The following RFT1 variants were observed in gnomAD, a reference collection of about 807,000 sequenced individuals.
RFT1 encodes the protein man(5)GlcNAc(2)-PP-dolichol translocation protein RFT1.
A neutral mutation model predicts 62.2 loss-of-function variants in RFT1; 43 were observed. That is an observed-to-expected ratio of 0.69 (90% CI 0.54 to 0.89). The LOEUF is 0.89. RFT1 is among the 40% of genes least tolerant of loss of function. The probability of loss-of-function intolerance (pLI) is 0.00; values close to 1 mark genes in which losing one functional copy is unlikely to be tolerated. For synonymous variants in RFT1, 262 were observed against 264.6 expected, an observed-to-expected ratio of 0.99 and a Z score of 0.10; for missense variants, 605 against 649.9, an observed-to-expected ratio of 0.93 and a Z score of 0.75.
At chr3:53,079,651 A>G in the RFT1 span, among the ~76,000 whole-genome samples, 1 of 152,082 alleles carries the variant, frequency 6.6e-6, no homozygotes, top group Non-Finnish European at 1.5e-5. Context: ...GGAGAATCGC[A>G]GAGGTTGCAG....
At chr3:53,068,067 A>G in the RFT1 span, among the ~76,000 whole-genome samples, 1 of 152,190 alleles carries the variant, frequency 6.6e-6, no homozygotes, top group Non-Finnish European at 1.5e-5. Flanking sequence ...CAGGAGTGGG[A>G]CCAGAGGGTC....
chr3:53,113,779 C>T (rs1701716686), intron 6 of RFT1, among the ~76,000 whole-genome samples: 1 of 152,064 alleles, frequency 6.6e-6, no homozygotes, highest in South Asian at 2.1e-4. Flanking sequence ...AGCCATATTC[C>T]AGAATGCTCT....
intron 2 of RFT1, among the ~76,000 whole-genome samples, chr3:53,124,958 C>T (rs1401748212): frequency 2.0e-5 from 3 of 151,996 alleles, no homozygotes; most frequent in East Asian, 3.9e-4. Context: ...GGTGATAGGG[C>T]AAAAGCCTGT....
intron 10 of RFT1, among the ~76,000 whole-genome samples, chr3:53,100,580 G>A (rs1373834644): frequency 6.6e-6 from 1 of 152,190 alleles, no homozygotes; most frequent in African/African-American, 2.4e-5. Context: ...GGAATACTTA[G>A]CAAGAAAAGA....
chr3:53,123,319 G>A (rs1188850437), intron 3 of RFT1, among the ~76,000 whole-genome samples: 1 of 152,170 alleles, frequency 6.6e-6, no homozygotes, highest in South Asian at 2.1e-4. Context: ...CCCATAAAAG[G>A]CTTTCAAGAA....
At chr3:53,096,280 G>A (rs1306007660) in intron 11 of RFT1, among the ~76,000 whole-genome samples, 4 of 152,004 alleles carry the variant, frequency 2.6e-5, no homozygotes, top group East Asian at 1.9e-4. Context: ...AAGTATTTGC[G>A]AAATGAAAGA....
chr3:53,128,930 C>T lies in RFT1; in HGVS notation c.63+1408G>A, dbSNP rs148237431. Among the ~76,000 whole-genome samples, 584 of 152,340 alleles carry T rather than the reference C, an allele frequency of 3.8e-3. 3 individuals carry two copies. Among genetic ancestry groups the T allele is most frequent in the Non-Finnish European group, 6.8e-3 (466 of 68,030 alleles). The stretch of plus-strand genomic sequence containing the variant: ...GTTAAGTGATTTCCTCACTGTCACA[C>T]GGCAAGTAAATGACCCAGCTTGACC... On this transcript the variant is annotated intron_variant, in intron 1 of 12. Coordinates refer to ENST00000296292, the MANE Select transcript of RFT1 (RefSeq NM_052859.4).
chr3:53,074,571 C>T, the RFT1 span, among the ~76,000 whole-genome samples: 4 of 152,134 alleles, frequency 2.6e-5, no homozygotes, highest in East Asian at 7.7e-4. Context: ...CTCTCTCCTA[C>T]CACCTATCCA....
chr3:53,081,481 C>T, the RFT1 span, among the ~76,000 whole-genome samples: 16 of 152,266 alleles, frequency 1.1e-4, no homozygotes, highest in South Asian at 6.2e-4. Context: ...AGCCTTGCTG[C>T]GGCTTGGGGT....
chr3:53,108,537 C>T lies in RFT1; in HGVS notation c.776-1668G>A, dbSNP rs1371486682. Among the ~76,000 whole-genome samples the T allele has an allele frequency of 1.1e-4, 16 of 151,410 alleles. 1 individual carries two copies. The highest frequency in any genetic ancestry group is 3.9e-4 in the Admixed American group (6 of 15,198). ...CTGAGTAGCTGGGATTACAGGCACC[C>T]GCCACCATCCCCAGCTAATGTTTTT... On this transcript the variant is annotated intron_variant, in intron 7 of 12. Transcript: ENST00000296292.
intron 6 of RFT1, among the ~76,000 whole-genome samples, chr3:53,118,132 T>C (rs1043347691): frequency 6.6e-6 from 1 of 152,196 alleles, no homozygotes; most frequent in Non-Finnish European, 1.5e-5. Flanking sequence ...TAATAAACAC[T>C]TGGCAGACTC....
At chr3:53,068,806 C>T in the RFT1 span, among the ~76,000 whole-genome samples, 1 of 152,322 alleles carries the variant, frequency 6.6e-6, no homozygotes, top group East Asian at 1.9e-4. Context: ...AAAAGTCATA[C>T]ACATTTAGTA....
rs1559587721 is a variant in RFT1, at chr3:53,105,790, T to C, written c.840A>G (p.Ile280Met). The C allele has an allele frequency of 6.2e-7, 1 of 1,613,752 alleles. No individual in the cohort carries two copies. Among genetic ancestry groups the C allele is most frequent in the East Asian group, 2.2e-5 (1 of 44,860 alleles). Residue 280 changes from isoleucine to methionine, a missense_variant, in exon 9 of 13, where the codon ATA (isoleucine) becomes ATG (methionine). By Grantham distance (10) the Ile-to-Met change is conservative. Coordinates refer to ENST00000296292, the MANE Select transcript of RFT1 (RefSeq NM_052859.4). ...LNFGDQGVYDIVNNLGSLVAR... is the reference protein window; with the variant it reads ...LNFGDQGVYDMVNNLGSLVAR... ...CCACAAGGGAGCCAAGATTATTCACTATATCATACACACCTACAAAACAAA... is the reference window on the plus strand; with the variant it reads ...CCACAAGGGAGCCAAGATTATTCACCATATCATACACACCTACAAAACAAA...
At chr3:53,076,529 T>C in the RFT1 span, among the ~76,000 whole-genome samples, 2 of 152,190 alleles carry the variant, frequency 1.3e-5, no homozygotes, top group African/African-American at 4.8e-5. Context: ...CAGAAAACAA[T>C]GTTTGCGTAG....
chr3:53,076,396 T>C, the RFT1 span, among the ~76,000 whole-genome samples: 1 of 152,166 alleles, frequency 6.6e-6, no homozygotes, highest in Non-Finnish European at 1.5e-5. Context: ...CAGATTTGTA[T>C]GATTTTGTAG....
chr3:53,125,968 G>C lies in RFT1; in HGVS notation c.90C>G (p.Val30=). 3 of 1,613,694 alleles carry C rather than the reference G, an allele frequency of 1.9e-6. No individual in the cohort carries two copies. The highest frequency in any genetic ancestry group is 2.5e-6 in the Non-Finnish European group (3 of 1,179,738). The change falls in exon 2 of 13, where the codon GTC becomes GTG. Residue 30 remains valine, a synonymous_variant. Transcript: ENST00000296292. The part of the protein sequence containing the change: ...LQVLFRLITF[V]LNAFILRFLS... ...GGAAGCGAAGAATAAATGCATTCAA[G>C]ACAAAGGTGATCAACCGAAACAACA...
chr3:53,094,995 C>T (rs539508330), intron 11 of RFT1, among the ~76,000 whole-genome samples: 8 of 152,102 alleles, frequency 5.3e-5, no homozygotes, highest in Non-Finnish European at 8.8e-5. Context: ...TGGCCGGGCA[C>T]GGTGGCTCAT....
intron 12 of RFT1, 90 bp downstream of exon 12, chr3:53,092,279 G>A (rs1701013561): frequency 6.5e-7 from 1 of 1,538,886 alleles, no homozygotes. Flanking sequence ...GGGGACAGGA[G>A]GAGGCAAAAA....
intron 2 of RFT1, 28 bp from the exon 3 acceptor site, chr3:53,123,868 G>A: frequency 1.3e-6 from 2 of 1,566,552 alleles, no homozygotes; most frequent in Non-Finnish European, 1.8e-6. Flanking sequence ...AAATCAATAA[G>A]GTCTCAAGTT....
Sources: gnomAD v4.1 joint callset for allele counts (sites outside exome capture counted in the v4.1 genomes callset) on GRCh38, gnomAD v4.1.1 for gene constraint, MANE v1.5 for transcripts, NCBI Gene and HGNC (gene_info 2026-07-23, HGNC 2026-07-21) for gene names.